Variants in FSTL4 observed in about 807,000 individuals in gnomAD.
The protein encoded by FSTL4 is follistatin like 4, also known as follistatin-related protein 4.
FSTL4 carries 28 observed loss-of-function variants against 78.2 expected under a neutral mutation model. The ratio of observed to expected loss-of-function variants is 0.36; its 90% confidence interval spans 0.27 to 0.49. The LOEUF (loss-of-function observed/expected upper bound fraction) is 0.49, where lower values mean the gene tolerates loss of function less well. Ranked by LOEUF, FSTL4 falls within the 20% of genes least tolerant of loss-of-function variation. The pLI is 0.98. For synonymous variants in FSTL4, 422 were observed against 440.5 expected, an observed-to-expected ratio of 0.96 and a Z score of 0.53; for missense variants, 922 against 1,084.9, an observed-to-expected ratio of 0.85 and a Z score of 2.11.
chr5:133,630,802 T>C, the FSTL4 span, among the ~76,000 whole-genome samples: 2 of 152,098 alleles, frequency 1.3e-5, no homozygotes, highest in African/African-American at 2.4e-5. Context: ...TATCGACCAA[T>C]GTAACAGAAC....
intron 6 of FSTL4, among the ~76,000 whole-genome samples, chr5:133,303,194 G>C (rs1753586335): frequency 6.6e-6 from 1 of 152,164 alleles, no homozygotes; most frequent in Admixed American, 6.5e-5. Context: ...AGCCTGCCTT[G>C]GTCCTCAACC....
At chr5:133,631,954 C>A in the FSTL4 span, among the ~76,000 whole-genome samples, 1 of 151,926 alleles carries the variant, frequency 6.6e-6, no homozygotes, top group Non-Finnish European at 1.5e-5. Flanking sequence ...ACAATGAGAA[C>A]ACATGGACAC....
chr5:133,624,810 A>C, the FSTL4 span, among the ~76,000 whole-genome samples: 1 of 151,578 alleles, frequency 6.6e-6, no homozygotes, highest in Non-Finnish European at 1.5e-5. Context: ...AAATTTTATA[A>C]TCATCTTGTC....
intron 7 of FSTL4, chr5:133,248,584 A>T (rs937986356): frequency 1.3e-5 from 2 of 152,196 alleles, no homozygotes; most frequent in African/African-American, 4.8e-5. Context: ...GTCTAATAGA[A>T]GGGAAGTATT....
intron 6 of FSTL4, among the ~76,000 whole-genome samples, chr5:133,272,559 A>C (rs535289143): frequency 1.1e-3 from 175 of 152,360 alleles, no homozygotes; most frequent in South Asian, 2.1e-3. Context: ...TAGATCTTTT[A>C]ATCATCCTAA....
At chr5:133,221,917 T>TTTTGTTTG (rs1554097231) in intron 11 of FSTL4, among the ~76,000 whole-genome samples, 44 of 124,996 alleles carry the variant, frequency 3.5e-4, no homozygotes, top group East Asian at 3.3e-3. Flanking sequence ...TTTTTTTTTT[T>TTTTGTTTG]TTTTTTTTTT....
the FSTL4 span, among the ~76,000 whole-genome samples, chr5:133,834,274 C>A: frequency 6.6e-6 from 1 of 151,952 alleles, no homozygotes; most frequent in Non-Finnish European, 1.5e-5. Flanking sequence ...AACATGGGCA[C>A]CCCCTTTGAC....
intron 7 of FSTL4, among the ~76,000 whole-genome samples, chr5:133,242,157 T>C (rs973952618): frequency 6.6e-6 from 1 of 152,230 alleles, no homozygotes; most frequent in African/African-American, 2.4e-5. Flanking sequence ...TACTGCAGTC[T>C]TGTTTGCTGT....
intron 1 of FSTL4, among the ~76,000 whole-genome samples, chr5:133,607,146 C>T (rs552881389): frequency 6.6e-6 from 1 of 152,198 alleles, no homozygotes; most frequent in African/African-American, 2.4e-5. Context: ...TTAGCTCAGT[C>T]TGTCTACCAC....
chr5:133,282,394 T>G (rs1315895130), intron 6 of FSTL4, among the ~76,000 whole-genome samples: 2 of 152,170 alleles, frequency 1.3e-5, no homozygotes, highest in Non-Finnish European at 2.9e-5. Flanking sequence ...TGTGGCCATT[T>G]GGGGGAGAAG....
At chr5:133,571,990 G>A (rs141707553) in intron 2 of FSTL4, among the ~76,000 whole-genome samples, 4 of 152,274 alleles carry the variant, frequency 2.6e-5, no homozygotes, top group Admixed American at 6.5e-5. Flanking sequence ...TGAAAGAGAC[G>A]CTTGTTGATA....
chr5:133,570,598 T>C (rs969645896), intron 2 of FSTL4, among the ~76,000 whole-genome samples: 1 of 152,172 alleles, frequency 6.6e-6, no homozygotes, highest in Non-Finnish European at 1.5e-5. Flanking sequence ...ACTTTAAAAA[T>C]AGTCATGATA....
the FSTL4 span, among the ~76,000 whole-genome samples, chr5:133,795,889 G>A: frequency 2.6e-5 from 4 of 152,326 alleles, no homozygotes; most frequent in Admixed American, 1.3e-4. Context: ...CATTTAGAGT[G>A]TGAATCCAGG....
intron 4 of FSTL4, among the ~76,000 whole-genome samples, chr5:133,319,647 TC>T (rs1375020810): frequency 6.6e-6 from 1 of 152,156 alleles, no homozygotes; most frequent in Non-Finnish European, 1.5e-5. Flanking sequence ...AGGCAGAGCC[TC>T]CAAGGCCTTG....
At chr5:133,415,083 G>C (rs1339810895) in intron 3 of FSTL4, among the ~76,000 whole-genome samples, 1 of 152,246 alleles carries the variant, frequency 6.6e-6, no homozygotes, top group Non-Finnish European at 1.5e-5. Context: ...TACAAGGTCA[G>C]TGACTAGTTC....
intron 14 of FSTL4, among the ~76,000 whole-genome samples, chr5:133,205,688 G>T (rs1195939148): frequency 2.0e-5 from 3 of 152,006 alleles, no homozygotes; most frequent in African/African-American, 7.3e-5. Flanking sequence ...ATTTTCTTTA[G>T]GAGCTCAGTG....
chr5:133,243,407 G>T (rs1751936093), intron 7 of FSTL4, among the ~76,000 whole-genome samples: 1 of 152,232 alleles, frequency 6.6e-6, no homozygotes. Context: ...TGGTCTCAGA[G>T]CATGTTGCTT....
Position 133,226,614 on chromosome 5 carries a change from C to T in FSTL4, c.1016-795G>A, listed in dbSNP as rs111498431. ...AGTGGAATTGAGGGTTCTTCCTTAT[C>T]TATAACTTTTACTTTACACACTTTC... On this transcript the variant is annotated intron_variant, in intron 8 of 15. Transcript: ENST00000265342. Among the ~76,000 whole-genome samples the T allele has an allele frequency of 6.5e-3, 987 of 152,330 alleles. 16 individuals carry two copies. Among genetic ancestry groups the T allele is most frequent in the African/African-American group, 0.022 (918 of 41,568 alleles).
the FSTL4 span, among the ~76,000 whole-genome samples, chr5:133,743,890 C>T: frequency 6.6e-6 from 1 of 152,198 alleles, no homozygotes; most frequent in African/African-American, 2.4e-5. Context: ...GTCAGGTGAC[C>T]CCAGCCAGTC....
Sources: allele counts gnomAD v4.1 joint callset (sites outside exome capture counted in the v4.1 genomes callset), GRCh38; gene constraint gnomAD v4.1.1; transcripts MANE v1.5; gene names NCBI Gene and HGNC (gene_info 2026-07-23, HGNC 2026-07-21).